JARID2: variants seen among roughly 807,000 people sequenced by gnomAD.
JARID2 encodes protein Jumonji.
A neutral mutation model predicts 125.6 loss-of-function variants in JARID2; 21 were observed. That is an observed-to-expected ratio of 0.17 (90% CI 0.12 to 0.24). The LOEUF (loss-of-function observed/expected upper bound fraction) is 0.24, where lower values mean the gene tolerates loss of function less well. Among genes scored for constraint, JARID2 ranks in the 10% least tolerant of loss-of-function variants. The pLI, the probability that JARID2 is intolerant of heterozygous loss-of-function variation, is 1.00. For synonymous variants in JARID2, 736 were observed against 661.6 expected, an observed-to-expected ratio of 1.11 and a Z score of -1.73; for missense variants, 1,303 against 1,639.6, an observed-to-expected ratio of 0.79 and a Z score of 3.55.
chr6:15,290,141 C>T (rs1395142954), intron 1 of JARID2, among the ~76,000 whole-genome samples: 2 of 152,198 alleles, frequency 1.3e-5, no homozygotes, highest in Non-Finnish European at 2.9e-5. Context: ...CATCCCCTCC[C>T]AGCCACTGTT....
At chr6:15,390,092 C>T (rs1330287532) in intron 2 of JARID2, among the ~76,000 whole-genome samples, 1 of 152,196 alleles carries the variant, frequency 6.6e-6, no homozygotes, top group Non-Finnish European at 1.5e-5. Flanking sequence ...CACCCCCTGC[C>T]TCCTGCCCTT....
chr6:15,334,865 A>C (rs1245584893), intron 1 of JARID2, among the ~76,000 whole-genome samples: 2 of 152,202 alleles, frequency 1.3e-5, no homozygotes, highest in Non-Finnish European at 2.9e-5. Flanking sequence ...TGCATATCAT[A>C]CCACCTAGAC....
chr6:15,420,756 A>AT (rs1043611596), intron 3 of JARID2, among the ~76,000 whole-genome samples: 1 of 152,176 alleles, frequency 6.6e-6, no homozygotes, highest in Non-Finnish European at 1.5e-5. Context: ...GGTTTCAAGC[A>AT]TGGTTAGGTA....
chr6:15,364,456 C>A (rs1763904837), intron 1 of JARID2, among the ~76,000 whole-genome samples: 1 of 152,168 alleles, frequency 6.6e-6, no homozygotes, highest in Non-Finnish European at 1.5e-5. Context: ...CAAGGCTTTG[C>A]AGACAGACTT....
intron 2 of JARID2, among the ~76,000 whole-genome samples, chr6:15,393,586 T>G (rs148552606): frequency 8.9e-4 from 135 of 152,334 alleles, no homozygotes; most frequent in Non-Finnish European, 1.6e-3. Context: ...CTGTAAAAGA[T>G]TGCCACTGGA....
intron 1 of JARID2, among the ~76,000 whole-genome samples, chr6:15,332,413 T>G (rs1245025903): frequency 6.6e-6 from 1 of 152,244 alleles, no homozygotes; most frequent in Non-Finnish European, 1.5e-5. Context: ...TTAATTTTCA[T>G]TTCATTAACC....
intron 3 of JARID2, among the ~76,000 whole-genome samples, chr6:15,431,670 CTCTTA>C (rs1274727106): frequency 3.3e-5 from 5 of 152,172 alleles, no homozygotes; most frequent in African/African-American, 4.8e-5. Context: ...GTGTTGAAGA[CTCTTA>C]TCTTTTTCCC....
At chr6:15,350,555 C>T (rs528866495) in intron 1 of JARID2, among the ~76,000 whole-genome samples, 109 of 152,252 alleles carry the variant, frequency 7.2e-4, no homozygotes, top group Non-Finnish European at 1.4e-3. Context: ...TGACAAACAA[C>T]CCATTTGCAT....
At chr6:15,388,814 G>T (rs2127538487) in intron 2 of JARID2, among the ~76,000 whole-genome samples, 1 of 152,102 alleles carries the variant, frequency 6.6e-6, no homozygotes, top group South Asian at 2.1e-4. Flanking sequence ...TGTTACTAGT[G>T]TTCTTGCTTC....
rs1759344871 is a variant in JARID2 at position 15,249,339 on chromosome 6, G to A, written c.45+2755G>A. On this transcript the variant is annotated intron_variant, in intron 1 of 17. Transcript: ENST00000341776. ...GAAGCTTTGTGGTACTACGGTGGGG[G>A]GGCTTTCCTTTGCTGTGCCGGCTCT... Among the ~76,000 whole-genome samples, 3 of 152,070 alleles carry A rather than the reference G, an allele frequency of 2.0e-5. No homozygotes were observed. In the South Asian group the frequency reaches 6.2e-4, roughly 31 times the overall value.
chr6:15,498,857 C>G lies in JARID2; in HGVS notation c.1945+1687C>G, dbSNP rs539321363. Among the ~76,000 whole-genome samples, 5 of 152,368 alleles carry G rather than the reference C, an allele frequency of 3.3e-5. No homozygotes were observed. The South Asian group carries it at 1.0e-3, about 32-fold the overall frequency. ...CCACGCCCCATGACTACTTGGGACA[C>G]AGGATGACTGAGTCAGTGATGGAAC... On this transcript the variant is annotated intron_variant, in intron 7 of 17. Transcript: ENST00000341776.
In JARID2 at chr6:15,512,286, T is replaced by C; in HGVS notation, c.3031T>C (p.Phe1011Leu). The C allele has an allele frequency of 6.2e-7, 1 of 1,614,206 alleles. No individual in the cohort carries two copies. The change falls in exon 14 of 18, where the codon TTC (phenylalanine) becomes CTC (leucine). Residue 1011 changes from phenylalanine (F) to leucine (L), a missense_variant. Phe to Leu is a conservative substitution (Grantham distance 22). Transcript: ENST00000341776. ...VQQSGQFVVCFPGSFVSKVCC... is the reference protein window; with the variant it reads ...VQQSGQFVVCLPGSFVSKVCC... ...GCAGAGTGGCCAGTTTGTCGTCTGC[T>C]TCCCGGGATCCTTTGTGTCCAAAGT...
At chr6:15,391,405 A>T (rs561312253) in intron 2 of JARID2, among the ~76,000 whole-genome samples, 1 of 152,306 alleles carries the variant, frequency 6.6e-6, no homozygotes, top group East Asian at 1.9e-4. Context: ...CAGAGCCAGC[A>T]TGTGGCATGT....
chr6:15,271,451 G>C (rs1369679505), intron 1 of JARID2, among the ~76,000 whole-genome samples: 2 of 152,200 alleles, frequency 1.3e-5, no homozygotes, highest in Non-Finnish European at 2.9e-5. Flanking sequence ...GTCCCAACCT[G>C]AGCATCGAAG....
At chr6:15,352,790 T>G (rs1763473882) in intron 1 of JARID2, among the ~76,000 whole-genome samples, 1 of 152,142 alleles carries the variant, frequency 6.6e-6, no homozygotes, top group Non-Finnish European at 1.5e-5. Flanking sequence ...GTAAATAATG[T>G]GTACAGTGGA....
intron 1 of JARID2, among the ~76,000 whole-genome samples, chr6:15,273,054 A>G (rs144184252): frequency 0.021 from 3,261 of 152,284 alleles, 70 homozygotes; most frequent in Non-Finnish European, 0.027. Flanking sequence ...CCATCTATAG[A>G]GAAAGCAGTT....
intron 1 of JARID2, among the ~76,000 whole-genome samples, chr6:15,368,246 G>GT (rs1370284955): frequency 5.9e-5 from 9 of 151,934 alleles, no homozygotes; most frequent in Non-Finnish European, 4.4e-5. Context: ...GATGTTTTTT[G>GT]TTTTTTTGTC....
chr6:15,297,964 T>C (rs746561905), intron 1 of JARID2, among the ~76,000 whole-genome samples: 3 of 152,214 alleles, frequency 2.0e-5, no homozygotes, highest in Non-Finnish European at 4.4e-5. Flanking sequence ...TGCCCTCTTA[T>C]ATTTATTCAA....
chr6:15,492,726 T>C (rs1561900968), intron 6 of JARID2, among the ~76,000 whole-genome samples: 1 of 152,164 alleles, frequency 6.6e-6, no homozygotes, highest in Non-Finnish European at 1.5e-5. Flanking sequence ...GTGGTGGGCA[T>C]AGAACACGGA....
Sources: gnomAD v4.1 joint callset for allele counts (sites outside exome capture counted in the v4.1 genomes callset) on GRCh38, gnomAD v4.1.1 for gene constraint, MANE v1.5 for transcripts, NCBI Gene and HGNC (gene_info 2026-07-23, HGNC 2026-07-21) for gene names.